The following PHKA1 variants were observed in gnomAD, a reference collection of about 807,000 sequenced individuals.
PHKA1 encodes phosphorylase b kinase regulatory subunit alpha, skeletal muscle isoform.
In PHKA1, 60 loss-of-function variants were observed where a neutral mutation model predicts 110.2. The ratio of observed to expected loss-of-function variants is 0.54; its 90% CI spans 0.44 to 0.68. The LOEUF is 0.68. Ranked by LOEUF, PHKA1 falls within the 30% of genes least tolerant of loss-of-function variation. PHKA1 has a pLI of 0.00. For missense variants in PHKA1, 801 were observed against 942.5 expected, an observed-to-expected ratio of 0.85 and a Z score of 1.97; for synonymous variants, 316 against 333.6, an observed-to-expected ratio of 0.95 and a Z score of 0.58.
chrX:72,596,572 T>C (rs2052592545), intron 28 of PHKA1, among the ~76,000 whole-genome samples: 1 of 111,606 alleles, frequency 9.0e-6, no homozygotes, highest in South Asian at 3.7e-4. Flanking sequence ...TATGTAGGAA[T>C]AAATTTAACA....
At chrX:72,588,471 A>T (rs782166508) in intron 29 of PHKA1, among the ~76,000 whole-genome samples, 2 of 112,186 alleles carry the variant, frequency 1.8e-5, no homozygotes, top group African/African-American at 6.5e-5. Context: ...CACAAGAGAA[A>T]GCAGGAAAGA....
At chrX:72,631,462 CCACT>C (rs2053164847) in intron 16 of PHKA1, among the ~76,000 whole-genome samples, 1 of 111,031 alleles carries the variant, frequency 9.0e-6, no homozygotes, top group Non-Finnish European at 1.9e-5. Flanking sequence ...TCTAGAGTCC[CCACT>C]CAGTCTCTGC....
rs782187231 is a variant in PHKA1 at position 72,714,281 on chromosome X, C to A, written c.-401G>T. The A allele has an allele frequency of 1.5e-5, 2 of 137,898 alleles. No homozygotes were observed. Among genetic ancestry groups the A allele is most frequent in the African/African-American group, 3.2e-5 (1 of 31,683 alleles). 11.4% of individuals were successfully genotyped at this position (137,898 alleles called of 1,213,427 possible). ...GTCAACGACCGCTGCGCCGCCTCCACCTTGCGGGAGACGCGAGCGGGAGGC... is the reference window on the plus strand; with the variant it reads ...GTCAACGACCGCTGCGCCGCCTCCAACTTGCGGGAGACGCGAGCGGGAGGC... On this transcript the variant is annotated 5_prime_UTR_variant, in exon 1 of 32. Coordinates refer to ENST00000373542, the MANE Select transcript of PHKA1 (RefSeq NM_002637.4).
chrX:72,612,122 T>C (rs1327189370), intron 21 of PHKA1, among the ~76,000 whole-genome samples: 1 of 112,417 alleles, frequency 8.9e-6, no homozygotes, highest in Non-Finnish European at 1.9e-5. Context: ...GTTATATTTA[T>C]ACAGGATATA....
intron 7 of PHKA1, among the ~76,000 whole-genome samples, chrX:72,666,942 A>G (rs1408098207): frequency 2.0e-4 from 23 of 112,653 alleles, no homozygotes; most frequent in African/African-American, 7.1e-4. Flanking sequence ...CTGAAAATAC[A>G]TATTTGCCAC....
chrX:72,666,049 TTTC>T, intron 8 of PHKA1, 99 bp downstream of exon 8: 1 of 813,335 alleles, frequency 1.2e-6, no homozygotes, highest in Non-Finnish European at 1.8e-6. Flanking sequence ...AACTTAAAGG[TTTC>T]TTGAAATCAC....
chrX:72,652,217 C>A (rs1190338054), intron 12 of PHKA1, among the ~76,000 whole-genome samples: 1 of 111,789 alleles, frequency 8.9e-6, no homozygotes, highest in Non-Finnish European at 1.9e-5. Flanking sequence ...CAGTAATTAA[C>A]TAGCTAAGCA....
intron 14 of PHKA1, among the ~76,000 whole-genome samples, chrX:72,637,021 C>T (rs1224595636): frequency 1.8e-5 from 2 of 111,622 alleles, no homozygotes; most frequent in Non-Finnish European, 3.8e-5. Flanking sequence ...TCCCACTACT[C>T]CTTACTTTTT....
chrX:72,622,814 C>G, intron 18 of PHKA1: 1 of 753,596 alleles, frequency 1.3e-6, no homozygotes, highest in South Asian at 6.7e-5. Context: ...ATCTCTCACT[C>G]ACCACTGCTT....
In PHKA1 at chrX:72,644,019, G is replaced by A. The variant is rs184970796; in HGVS notation, c.1459+343C>T. Reference sequence around the variant, plus strand: ...CAAAGTATAAAAGACCTAAAAACAAGTTCCTTGGCTATCATTCCATATAAA... The same window carrying A: ...CAAAGTATAAAAGACCTAAAAACAAATTCCTTGGCTATCATTCCATATAAA... On this transcript the variant is annotated intron_variant, in intron 14 of 31. Transcript: ENST00000373542. Among the ~76,000 whole-genome samples the A allele has an allele frequency of 4.1e-3, 457 of 111,489 alleles. 2 individuals are homozygous for A. Among genetic ancestry groups the A allele is most frequent in the Non-Finnish European group, 7.4e-3 (390 of 53,036 alleles).
At chrX:72,682,934 TAAA>T (rs1164416043) in intron 5 of PHKA1, among the ~76,000 whole-genome samples, 56 of 63,841 alleles carry the variant, frequency 8.8e-4, no homozygotes, top group South Asian at 8.1e-3. Flanking sequence ...AAAAATAAAT[TAAA>T]AAAAAAAAAA....
intron 13 of PHKA1, among the ~76,000 whole-genome samples, chrX:72,649,382 A>G (rs1279743229): frequency 9.0e-6 from 1 of 111,615 alleles, no homozygotes; most frequent in Non-Finnish European, 1.9e-5. Flanking sequence ...AGAAATAAGG[A>G]AGGTAGAACG....
Position 72,714,123 on chromosome X carries a change from C to A in PHKA1, c.-243G>T. 2 of 410,077 alleles carry A rather than the reference C, an allele frequency of 4.9e-6. No individual in the cohort carries two copies. The highest frequency in any genetic ancestry group is 3.4e-5 in the South Asian group (1 of 29,739). 33.8% of individuals were successfully genotyped at this position (410,077 alleles called of 1,213,427 possible). A position where few individuals can be genotyped will look rare whatever the true frequency, so the allele number is the denominator to read the frequency against. On this transcript the variant is annotated 5_prime_UTR_variant, in exon 1 of 32. Transcript: ENST00000373542. ...GCACTGGCTTCCCGCGGTCTAGAGC[C>A]CCGCCGCAGCGCCCCAGGCGCCGCT...
chrX:72,692,919 G>A (rs782045037), intron 4 of PHKA1, among the ~76,000 whole-genome samples: 17 of 106,694 alleles, frequency 1.6e-4, no homozygotes, highest in Admixed American at 4.0e-4. Flanking sequence ...AAGGTGGGAG[G>A]TTAGGTTACT....
At chrX:72,628,186 A>C (rs2053112636) in intron 16 of PHKA1, among the ~76,000 whole-genome samples, 2 of 110,820 alleles carry the variant, frequency 1.8e-5, no homozygotes, top group South Asian at 3.8e-4. Flanking sequence ...TTAATCTGAT[A>C]GGTAAAACAA....
chrX:72,642,517 T>C (rs1018950559), intron 14 of PHKA1, among the ~76,000 whole-genome samples: 2 of 111,387 alleles, frequency 1.8e-5, no homozygotes, highest in African/African-American at 6.5e-5. Flanking sequence ...ATACCTTCCT[T>C]ATCTCAAGGG....
chrX:72,700,196 C>G (rs2054187992), intron 3 of PHKA1, among the ~76,000 whole-genome samples: 1 of 112,361 alleles, frequency 8.9e-6, no homozygotes, highest in Non-Finnish European at 1.9e-5. Flanking sequence ...AATTAAGTCT[C>G]TTCTCTCAAA....
chrX:72,713,825 T>C lies in PHKA1; in HGVS notation c.56A>G (p.Gln19Arg). ...TACCTGATGGCACAGGATGGTCTGT[T>C]GCACCAGTCGAGCGTAGCCGTCCAG... Reference protein sequence around the residue: ...VRLDGYARLVQQTILCHQNPV... With the variant: ...VRLDGYARLVRQTILCHQNPV... The change falls in exon 1 of 32, where the codon CAA (glutamine) becomes CGA (arginine). Residue 19 changes from glutamine (Q) to arginine (R), a missense_variant. By Grantham distance (43) the Gln-to-Arg change is conservative (BLOSUM62 1). Around this residue, in one of 2 missense-constraint regions of PHKA1, gnomAD observed 299 missense variants for 423.3 expected, o/e 0.71. Transcript: ENST00000373542. 2.5e-6 allele frequency: 3 copies of C among 1,208,176 alleles called. No homozygotes were observed. The highest frequency in any genetic ancestry group is 2.2e-6 in the Non-Finnish European group (2 of 892,016).
rs989735986 is a variant in PHKA1, at chrX:72,620,724, C to T, written c.2137+1G>A. The T allele has an allele frequency of 2.5e-6, 3 of 1,205,600 alleles. No individual in the cohort carries two copies. The highest frequency in any genetic ancestry group is 2.9e-4 in the Middle Eastern group (1 of 3,440). On this transcript the variant is annotated splice_donor_variant, in intron 19 of 31. Transcript: ENST00000373542. LOFTEE classifies it high-confidence loss of function. The stretch of plus-strand genomic sequence containing the variant: ...CTCTGGTGAGTCACGGCATTACTCA[C>T]TCTGTACATGCAGTTCCTTGGCCTT...
Sources: allele counts gnomAD v4.1 joint callset (sites outside exome capture counted in the v4.1 genomes callset), GRCh38; gene constraint gnomAD v4.1.1; regional missense constraint gnomAD v4.1.1; transcripts MANE v1.5; gene names NCBI Gene and HGNC (gene_info 2026-07-23, HGNC 2026-07-21).